Variants in IKZF2 observed in about 807,000 individuals in gnomAD.
IKZF2 encodes the protein zinc finger protein Helios.
A neutral mutation model predicts 49.2 loss-of-function variants in IKZF2; 15 were observed. The ratio of observed to expected loss-of-function variants is 0.30; its 90% CI spans 0.20 to 0.47. The LOEUF is 0.47. Ranked by LOEUF, IKZF2 falls within the 20% of genes least tolerant of loss-of-function variation. IKZF2 has a pLI of 1.00. For missense variants in IKZF2, 567 were observed against 664.6 expected, an observed-to-expected ratio of 0.85 and a Z score of 1.61; for synonymous variants, 227 against 221.4, an observed-to-expected ratio of 1.03 and a Z score of -0.23.
intron 4 of IKZF2, among the ~76,000 whole-genome samples, chr2:213,120,333 C>T (rs1042081250): frequency 2.0e-5 from 3 of 152,166 alleles, no homozygotes; most frequent in African/African-American, 7.2e-5. Flanking sequence ...TAAGCAGTTA[C>T]ACTGGACCTT....
chr2:213,053,844 C>T (rs1358542991), intron 5 of IKZF2, among the ~76,000 whole-genome samples: 1 of 152,110 alleles, frequency 6.6e-6, no homozygotes. Flanking sequence ...ATTAATAAGA[C>T]ACTGCAATTG....
intron 4 of IKZF2, among the ~76,000 whole-genome samples, chr2:213,139,557 A>ATG (rs148201651): frequency 0.27 from 40,652 of 151,070 alleles, 6,778 homozygotes; most frequent in Non-Finnish European, 0.38. Flanking sequence ...TGTTGGTTGC[A>ATG]TGTGTGTGTG....
chr2:213,086,530 G>A (rs1704618238), intron 4 of IKZF2, among the ~76,000 whole-genome samples: 1 of 152,172 alleles, frequency 6.6e-6, no homozygotes, highest in Admixed American at 6.5e-5. Flanking sequence ...AGGTAGTTCA[G>A]GTGAGTATGA....
At chr2:213,126,709 C>G (rs2060271704) in intron 4 of IKZF2, among the ~76,000 whole-genome samples, 1 of 151,912 alleles carries the variant, frequency 6.6e-6, no homozygotes, top group Non-Finnish European at 1.5e-5. Context: ...CAAGGGAACA[C>G]AAAGAAAAAG....
At chr2:213,048,400 C>T (rs777237887) in intron 6 of IKZF2, among the ~76,000 whole-genome samples, 3 of 151,840 alleles carry the variant, frequency 2.0e-5, no homozygotes, top group African/African-American at 4.8e-5. Context: ...TATATGTTCA[C>T]GAAGATCTAT....
chr2:213,035,828 T>G (rs1698967438), intron 6 of IKZF2, among the ~76,000 whole-genome samples: 1 of 152,174 alleles, frequency 6.6e-6, no homozygotes, highest in Non-Finnish European at 1.5e-5. Context: ...GTGACATGGT[T>G]TAAATCAGAT....
chr2:213,141,132 A>C (rs1208581791), intron 4 of IKZF2, among the ~76,000 whole-genome samples: 1 of 151,662 alleles, frequency 6.6e-6, no homozygotes, highest in African/African-American at 2.4e-5. Flanking sequence ...GCCATCCTTG[A>C]CTCTATTGTC....
At chr2:213,133,433 T>TA (rs2060538700) in intron 4 of IKZF2, among the ~76,000 whole-genome samples, 1 of 152,132 alleles carries the variant, frequency 6.6e-6, no homozygotes, top group Non-Finnish European at 1.5e-5. Flanking sequence ...CTGTAATTTT[T>TA]AAAAACATGT....
chr2:213,022,406 T>C (rs1697325239), intron 6 of IKZF2, among the ~76,000 whole-genome samples: 1 of 152,154 alleles, frequency 6.6e-6, no homozygotes, highest in East Asian at 1.9e-4. Context: ...TGGTGATCAG[T>C]CTTCAAATTA....
At chr2:213,052,056 TA>T (rs1328458836) in intron 5 of IKZF2, among the ~76,000 whole-genome samples, 1 of 152,056 alleles carries the variant, frequency 6.6e-6, no homozygotes, top group Non-Finnish European at 1.5e-5. Flanking sequence ...ATATCTTTTT[TA>T]AAAAGAATTT....
At position 213,034,349 on chromosome 2, in the gene IKZF2, T is replaced by C. The variant is rs191643018; in HGVS notation, c.575-12219A>G. On this transcript the variant is annotated intron_variant, in intron 6 of 8. Transcript: ENST00000434687. The stretch of plus-strand genomic sequence containing the variant: ...TTCCTTTGCATTCACAATGTGGCTG[T>C]TTGGCACAGGAGGCCTATCTTTTGG... Among the ~76,000 whole-genome samples the C allele has an allele frequency of 9.7e-3, 1,473 of 152,348 alleles. 5 individuals are homozygous for C. Among genetic ancestry groups the C allele is most frequent in the Non-Finnish European group, 0.015 (1,016 of 68,038 alleles).
At chr2:213,052,020 A>C (rs1437491852) in intron 5 of IKZF2, among the ~76,000 whole-genome samples, 1 of 152,042 alleles carries the variant, frequency 6.6e-6, no homozygotes, top group Non-Finnish European at 1.5e-5. Context: ...ATTCTTCAAA[A>C]ATAATGCTAG....
intron 7 of IKZF2, among the ~76,000 whole-genome samples, chr2:213,020,035 A>C (rs1490000324): frequency 6.6e-6 from 1 of 152,216 alleles, no homozygotes; most frequent in African/African-American, 2.4e-5. Flanking sequence ...ATAAATAACT[A>C]GGAATGCAAA....
At chr2:213,108,824 T>A (rs1296104679) in intron 4 of IKZF2, among the ~76,000 whole-genome samples, 1 of 152,012 alleles carries the variant, frequency 6.6e-6, no homozygotes. Flanking sequence ...GTAAAATCTA[T>A]AAAAGTATAA....
chr2:213,151,736 C>CGGCGGCGGGCGGCTGGCGGCGGGCGGCT (rs1553606343), upstream of IKZF2: 1 of 146,706 alleles, frequency 6.8e-6, no homozygotes, highest in East Asian at 2.0e-4. Context: ...GCGGCGGCGG[C>CGGCGGCGGGCGGCTGGCGGCGGGCGGCT]GGCGGCGGGC....
At chr2:213,128,994 T>A (rs796530324) in intron 4 of IKZF2, among the ~76,000 whole-genome samples, 3 of 151,802 alleles carry the variant, frequency 2.0e-5, no homozygotes, top group African/African-American at 7.3e-5. Flanking sequence ...TCTCTCCCCA[T>A]GTGACTTTCG....
At chr2:213,102,514 G>A (rs967276867) in intron 4 of IKZF2, among the ~76,000 whole-genome samples, 2 of 151,998 alleles carry the variant, frequency 1.3e-5, no homozygotes, top group East Asian at 3.9e-4. Context: ...TTCTTGGTTT[G>A]CTCCCAATGT....
At chr2:213,020,115 G>C (rs1470751740) in intron 7 of IKZF2, among the ~76,000 whole-genome samples, 25 of 152,056 alleles carry the variant, frequency 1.6e-4, no homozygotes, top group Admixed American at 1.6e-3. Context: ...ATATAATATA[G>C]AAAAACTAGT....
rs1425101515 is a variant in IKZF2 at position 213,007,851 on chromosome 2, T to A, written c.1090A>T (p.Ile364Leu). ...GTTTCCCTGCTAATGGGTCTTTCTA[T>A]CCTATTTGGATGATAGACCTGAGAA... The part of the protein sequence containing the change: ...AYSQVYHPNR[I>L]ERPISRETAD... The change falls in exon 9 of 9, where the codon ATA becomes TTA. Residue 364 changes from isoleucine to leucine, a missense_variant. By Grantham distance (5) the Ile-to-Leu change is conservative (BLOSUM62 2). Transcript: ENST00000434687. 6.2e-7 allele frequency: 1 copy of A among 1,613,558 alleles called. No homozygotes were observed. Among genetic ancestry groups the A allele is most frequent in the East Asian group, 2.2e-5 (1 of 44,840 alleles).
Sources: gnomAD v4.1 joint callset for allele counts (sites outside exome capture counted in the v4.1 genomes callset) on GRCh38, gnomAD v4.1.1 for gene constraint, MANE v1.5 for transcripts, NCBI Gene and HGNC (gene_info 2026-07-23, HGNC 2026-07-21) for gene names.